The following ELP4 variants were observed in gnomAD, a reference collection of about 807,000 sequenced individuals.
ELP4 encodes elongator complex protein 4.
ELP4 carries 51 observed loss-of-function variants against 48.9 expected under a neutral mutation model. That is an observed-to-expected ratio of 1.04 (90% CI 0.83 to 1.32). The LOEUF (loss-of-function observed/expected upper bound fraction) is 1.32, where lower values mean the gene tolerates loss of function less well. Among genes scored for constraint, ELP4 ranks in the 40% most tolerant of loss-of-function variants. The pLI, the probability that ELP4 is intolerant of heterozygous loss-of-function variation, is 0.00. For missense variants in ELP4, 519 were observed against 514.6 expected (o/e 1.01, Z -0.08); for synonymous variants, 210 against 189.2 (o/e 1.11, Z -0.90).
intron 7 of ELP4, among the ~76,000 whole-genome samples, chr11:31,636,352 T>C (rs1944977473): frequency 6.6e-6 from 1 of 151,968 alleles, no homozygotes; most frequent in African/African-American, 2.4e-5. Flanking sequence ...GATAATAAAA[T>C]TGTGATATCT....
intron 1 of ELP4, among the ~76,000 whole-genome samples, chr11:31,519,623 G>A (rs916825858): frequency 9.9e-5 from 15 of 152,078 alleles, no homozygotes; most frequent in East Asian, 5.8e-4. Context: ...TCAGGAGTTC[G>A]AGACCAGCCT....
In ELP4 at chr11:31,597,149, A is replaced by G. The variant is rs570695512; in HGVS notation, c.513+2248A>G. ...TCTTTTGGATATTTACATCATGAAT[A>G]TATTTACTCAAATGTAAAAGTAAAT... On this transcript the variant is annotated intron_variant, in intron 4 of 9. Transcript: ENST00000640961. Among the ~76,000 whole-genome samples the G allele has an allele frequency of 2.6e-5, 4 of 152,356 alleles. No individual in the cohort carries two copies. In the East Asian group the frequency reaches 7.7e-4, roughly 29 times the overall value.
At chr11:31,750,154 A>G (rs571749547) in intron 9 of ELP4, among the ~76,000 whole-genome samples, 1 of 152,024 alleles carries the variant, frequency 6.6e-6, no homozygotes, top group East Asian at 1.9e-4. Flanking sequence ...GTGAGCCACC[A>G]CGCCCGGCCA....
At chr11:31,663,763 A>ATATATTG (rs1163498631) in intron 9 of ELP4, 2 of 152,010 alleles carry the variant, frequency 1.3e-5, no homozygotes, top group African/African-American at 2.4e-5. Flanking sequence ...TATTATTAAA[A>ATATATTG]GTAATGTTGG....
intron 5 of ELP4, among the ~76,000 whole-genome samples, chr11:31,618,226 T>G (rs1345524750): frequency 3.9e-5 from 6 of 152,106 alleles, no homozygotes; most frequent in Non-Finnish European, 7.4e-5. Context: ...AAAACAATTG[T>G]CTTAGTCTGT....
Position 31,784,129 on chromosome 11 carries a change from A to G in ELP4, c.*605A>G, listed in dbSNP as rs1047294601. The G allele has an allele frequency of 7.2e-5, 11 of 152,320 alleles. No individual in the cohort carries two copies. Among genetic ancestry groups the G allele is most frequent in the Middle Eastern group, 3.4e-3 (1 of 294 alleles). 9.4% of individuals were successfully genotyped at this position (152,320 alleles called of 1,614,324 possible). ...TAGGAAACATAGAAAAAAGAAGTGGATGGTCTTTAGTTTAGTAATCCTAAA... is the reference window on the plus strand; with the variant it reads ...TAGGAAACATAGAAAAAAGAAGTGGGTGGTCTTTAGTTTAGTAATCCTAAA... On this transcript the variant is annotated 3_prime_UTR_variant, in exon 10 of 10. Transcript: ENST00000640961.
chr11:31,737,260 T>C (rs1489400636), intron 9 of ELP4, among the ~76,000 whole-genome samples: 1 of 151,988 alleles, frequency 6.6e-6, no homozygotes, highest in African/African-American at 2.4e-5. Flanking sequence ...TAGGTGGGAA[T>C]TGAACTATGA....
chr11:31,742,121 C>A (rs1017795835), intron 9 of ELP4, among the ~76,000 whole-genome samples: 1 of 151,846 alleles, frequency 6.6e-6, no homozygotes. Flanking sequence ...GTAGCCGATG[C>A]GATTAACTGG....
chr11:31,513,997 T>G (rs920404042), intron 1 of ELP4, among the ~76,000 whole-genome samples: 2 of 152,244 alleles, frequency 1.3e-5, no homozygotes, highest in Admixed American at 6.5e-5. Context: ...TTATTTTGAT[T>G]CTCATGTTTG....
At chr11:31,598,027 C>G (rs1021599280) in intron 4 of ELP4, among the ~76,000 whole-genome samples, 25 of 139,100 alleles carry the variant, frequency 1.8e-4, no homozygotes, top group Admixed American at 7.8e-4. Flanking sequence ...ACGATCTCAG[C>G]TCACCGCAAC....
rs761952095 is a variant in ELP4 at position 31,632,445 on chromosome 11, A to AAT, written c.927+44_927+45dup. The AAT allele has an allele frequency of 2.0e-5, 30 of 1,520,554 alleles. No homozygotes were observed. The African/African-American group carries it at 3.9e-4, about 20-fold the overall frequency. 94.2% of individuals were successfully genotyped at this position (1,520,554 alleles called of 1,614,324 possible). Reference sequence around the variant, plus strand: ...GAACTACTTTTTCATAATTCATAGTAATATAGTATGACATTGTGGTTTTAG... The same window carrying AAT: ...GAACTACTTTTTCATAATTCATAGTAATATATAGTATGACATTGTGGTTTTAG... On this transcript the variant is annotated intron_variant, in intron 7 of 9. Coordinates refer to ENST00000640961, the MANE Select transcript of ELP4 (RefSeq NM_019040.5).
chr11:31,755,557 T>C (rs73477621), intron 9 of ELP4, among the ~76,000 whole-genome samples: 7 of 152,228 alleles, frequency 4.6e-5, no homozygotes, highest in African/African-American at 1.7e-4. Flanking sequence ...ATTTCTATCA[T>C]GAAAAAACTT....
At chr11:31,510,767 G>A (rs916037484) in intron 1 of ELP4, 1 of 172,584 alleles carries the variant, frequency 5.8e-6, no homozygotes, top group African/African-American at 2.4e-5. Flanking sequence ...TTTATGAGAA[G>A]CCTGCTGAAG....
In ELP4 at chr11:31,693,889, G is replaced by A. The variant is rs537705507; in HGVS notation, c.1143+43668G>A. Among the ~76,000 whole-genome samples the A allele has an allele frequency of 9.8e-5, 15 of 152,288 alleles. No homozygotes were observed. The South Asian group carries it at 3.1e-3, about 32-fold the overall frequency. On this transcript the variant is annotated intron_variant, in intron 9 of 9. Coordinates refer to ENST00000640961, the MANE Select transcript of ELP4 (RefSeq NM_019040.5). ...TGAGATGGTATCTCATTGTGGTTTTGATTTGCATTTCTTTGATGGTCAGTG... is the reference window on the plus strand; with the variant it reads ...TGAGATGGTATCTCATTGTGGTTTTAATTTGCATTTCTTTGATGGTCAGTG...
chr11:31,682,120 G>A lies in ELP4; in HGVS notation c.1143+31899G>A, dbSNP rs1046464563. On this transcript the variant is annotated intron_variant, in intron 9 of 9. Coordinates refer to ENST00000640961, the MANE Select transcript of ELP4 (RefSeq NM_019040.5). ...GATTTAGTGCTTCTGTAATGTCAGC[G>A]TCCCATCCAACTATGCAACAGTTTC... 41 of 1,207,494 alleles carry A rather than the reference G, an allele frequency of 3.4e-5. 1 individual carries two copies. The highest frequency in any genetic ancestry group is 1.6e-4 in the African/African-American group (10 of 61,002). The allele number at this position is 1,207,494 out of a possible 1,614,324, so 74.8% of individuals were successfully genotyped here. A position where few individuals can be genotyped will look rare whatever the true frequency, so the allele number is the denominator to read the frequency against.
intron 9 of ELP4, chr11:31,664,042 T>G (rs1945619323): frequency 6.6e-6 from 1 of 152,154 alleles, no homozygotes; most frequent in Non-Finnish European, 1.5e-5. Context: ...AAGAACTCAA[T>G]GTAGTGTTTT....
At chr11:31,510,636 A>G (rs893328152) in intron 1 of ELP4, 5 of 356,478 alleles carry the variant, frequency 1.4e-5, no homozygotes, top group East Asian at 4.2e-5. Context: ...TATTTTTTCT[A>G]TATACATTTT....
intron 3 of ELP4, among the ~76,000 whole-genome samples, chr11:31,546,134 A>C (rs181506144): frequency 6.6e-6 from 1 of 152,078 alleles, no homozygotes; most frequent in African/African-American, 2.4e-5. Context: ...ACACATAACA[A>C]TATTAACTTT....
intron 9 of ELP4, among the ~76,000 whole-genome samples, chr11:31,673,119 T>C (rs1449589788): frequency 6.6e-6 from 1 of 151,234 alleles, no homozygotes; most frequent in Admixed American, 6.6e-5. Flanking sequence ...TGGGTTCAAG[T>C]GATTCTCCAG....
Sources: allele counts gnomAD v4.1 joint callset (sites outside exome capture counted in the v4.1 genomes callset), GRCh38; gene constraint gnomAD v4.1.1; transcripts MANE v1.5; gene names NCBI Gene and HGNC (gene_info 2026-07-23, HGNC 2026-07-21).